Variants in DOCK6 observed in about 807,000 individuals in gnomAD.
DOCK6 encodes the protein dedicator of cytokinesis protein 6.
Under a neutral mutation model 230.3 loss-of-function variants are expected in DOCK6, and 167 were observed. That is an observed-to-expected ratio of 0.73 (90% confidence interval 0.64 to 0.82). DOCK6 has a LOEUF of 0.82. Ranked by LOEUF, DOCK6 falls within the 40% of genes least tolerant of loss-of-function variation. The pLI, the probability that DOCK6 is intolerant of heterozygous loss-of-function variation, is 0.00. For missense variants in DOCK6, 2,598 were observed against 2,825.8 expected, an observed-to-expected ratio of 0.92 and a Z score of 1.83; for synonymous variants, 1,148 against 1,185.0, an observed-to-expected ratio of 0.97 and a Z score of 0.64.
rs776711205 is a variant in DOCK6 at position 11,221,883 on chromosome 19, C to T, written c.3518G>A (p.Arg1173Gln). The change falls in exon 28 of 48, where the codon CGG (arginine) becomes CAG (glutamine). Residue 1173 changes from arginine (R) to glutamine (Q), a missense_variant. By Grantham distance (43) the Arg-to-Gln change is conservative. Coordinates refer to ENST00000294618, the MANE Select transcript of DOCK6 (RefSeq NM_020812.4). ...ELYLPLLSIARDTLPRLHDFA... is the reference protein window; with the variant it reads ...ELYLPLLSIAQDTLPRLHDFA... ...GTCATGCAGCCGTGGCAAGGTATCC[C>T]GTGCAATCGATAGCAGTGGCAGGTA... is the stretch of plus-strand genomic sequence containing the variant. The T allele has an allele frequency of 1.2e-5, 20 of 1,613,640 alleles. No homozygotes were observed. The highest frequency in any genetic ancestry group is 1.1e-4 in the East Asian group (5 of 44,900).
intron 14 of DOCK6, chr19:11,241,469 A>G (rs1244911541): frequency 4.5e-6 from 7 of 1,551,570 alleles, no homozygotes; most frequent in Non-Finnish European, 6.1e-6. Flanking sequence ...GCAGAGCCAC[A>G]TCCTATGGGC....
chr19:11,224,029 C>T (rs923802535), intron 24 of DOCK6, among the ~76,000 whole-genome samples: 4 of 151,996 alleles, frequency 2.6e-5, no homozygotes, highest in South Asian at 4.1e-4. Context: ...ATCCCTGCTG[C>T]GGGTCCAACT....
rs199878414 is a variant in DOCK6, at chr19:11,199,458, G to T, written c.*39C>A. ...CGCAGCACAGACAGCTGAGGCCCGG[G>T]TGCTGGTTCCTCTAGGTACAGCTTT... On this transcript the variant is annotated 3_prime_UTR_variant, in exon 48 of 48. Coordinates refer to ENST00000294618, the MANE Select transcript of DOCK6 (RefSeq NM_020812.4). 1.6e-4 allele frequency: 246 copies of T among 1,561,276 alleles called. No homozygotes were observed. The highest frequency in any genetic ancestry group is 2.0e-4 in the Non-Finnish European group (233 of 1,152,310).
Position 11,250,896 on chromosome 19 carries a change from G to A in DOCK6, c.698C>T (p.Thr233Ile), listed in dbSNP as rs777732719. ...RRQHRPPALL[T>I]LYPAPDEDEA... ...CACCTCGTCAGGTGCCGGGTAGAGGGTGAGCAGGGCCGGGGGCCGGTGCTG... is the reference window on the plus strand; with the variant it reads ...CACCTCGTCAGGTGCCGGGTAGAGGATGAGCAGGGCCGGGGGCCGGTGCTG... Residue 233 changes from threonine (T) to isoleucine (I), a missense_variant, in exon 6 of 48, where the codon ACC (threonine) becomes ATC (isoleucine). Thr to Ile is a moderately conservative substitution (Grantham distance 89). Transcript: ENST00000294618. 1.2e-6 allele frequency: 2 copies of A among 1,603,110 alleles called. No homozygotes were observed. Among genetic ancestry groups the A allele is most frequent in the African/African-American group, 1.3e-5 (1 of 74,872 alleles).
Position 11,262,414 on chromosome 19 carries a change from G to T in DOCK6, c.27C>A (p.Phe9Leu). ...CACACTACCTGTTGATCTTGTGCGC[G>T]AAGGCGCGGCGCTCGGAGGCAGCCA... The part of the protein sequence containing the change: MAASERRA[F>L]AHKINRTVAA... The change falls in exon 1 of 48, where the codon TTC becomes TTA. Residue 9 changes from phenylalanine to leucine, a missense_variant. Phe to Leu is a conservative substitution (Grantham distance 22). Coordinates refer to ENST00000294618, the MANE Select transcript of DOCK6 (RefSeq NM_020812.4). 7.9e-7 allele frequency: 1 copy of T among 1,272,798 alleles called. No individual in the cohort carries two copies. Among genetic ancestry groups the T allele is most frequent in the Non-Finnish European group, 9.9e-7 (1 of 1,008,828 alleles). 78.8% of individuals were successfully genotyped at this position (1,272,798 alleles called of 1,614,324 possible).
intron 14 of DOCK6, 186 bp downstream of exon 14, chr19:11,241,846 AAGGCAGAGGATGT>A: frequency 7.4e-7 from 1 of 1,352,188 alleles, no homozygotes; most frequent in South Asian, 1.3e-5. Context: ...GGCGGGGACA[AAGGCAGAGGATGT>A]AGCCCCATTG....
intron 21 of DOCK6, 142 bp from the exon 22 acceptor site, chr19:11,233,508 T>C: frequency 9.1e-7 from 1 of 1,101,984 alleles, no homozygotes; most frequent in Non-Finnish European, 1.3e-6. Context: ...GCATAATGGC[T>C]GCCGCCTCAC....
Position 11,202,524 on chromosome 19 carries a change from C to T in DOCK6, c.5362-41G>A, listed in dbSNP as rs773801699. On this transcript the variant is annotated intron_variant, in intron 42 of 47. Coordinates refer to ENST00000294618, the MANE Select transcript of DOCK6 (RefSeq NM_020812.4). This position sits in a 1 kb window ranked among gnomAD's most constrained non-coding sequence, Gnocchi z 5.3. ...TGACTCGGGGCCACCCAGGGACAGC[C>T]CCTACTCCAGCCCCAAGGCAGCCCC... 6.2e-6 allele frequency: 10 copies of T among 1,613,586 alleles called. No homozygotes were observed. The highest frequency in any genetic ancestry group is 1.6e-4 in the Middle Eastern group (1 of 6,082).
intron 7 of DOCK6, among the ~76,000 whole-genome samples, chr19:11,246,361 C>T (rs2080033935): frequency 6.6e-6 from 1 of 152,188 alleles, no homozygotes; most frequent in African/African-American, 2.4e-5. Context: ...CCGCCTCTGC[C>T]TCCCAAAGTG....
At chr19:11,252,454 C>T in intron 4 of DOCK6, 28 bp downstream of exon 4, 4 of 1,613,414 alleles carry the variant, frequency 2.5e-6, no homozygotes, top group Non-Finnish European at 3.4e-6. Flanking sequence ...GTTCCGAACC[C>T]CCTGAGCTGC....
intron 30 of DOCK6, 165 bp downstream of exon 30, chr19:11,216,749 T>G (rs968469129): frequency 1.4e-6 from 1 of 719,814 alleles, no homozygotes; most frequent in Non-Finnish European, 2.3e-6. Flanking sequence ...CTTCTGACTT[T>G]ATTCCTTGCC....
Position 11,243,836 on chromosome 19 carries a change from G to A in DOCK6, c.1070C>T (p.Pro357Leu). The A allele has an allele frequency of 6.2e-7, 1 of 1,613,048 alleles. No homozygotes were observed. Among genetic ancestry groups the A allele is most frequent in the Non-Finnish European group, 8.5e-7 (1 of 1,179,552 alleles). ...QQGDISECCEPYMVLKEVDTA... is the reference protein window; with the variant it reads ...QQGDISECCELYMVLKEVDTA... ...GTCCACTTCTTTCAACACCATGTAA[G>A]GCTCACAGCACTCACTGATGTCCCC... The change falls in exon 10 of 48, where the codon CCT becomes CTT. Residue 357 changes from proline to leucine, a missense_variant. Pro to Leu is a moderately conservative substitution (Grantham distance 98). Coordinates refer to ENST00000294618, the MANE Select transcript of DOCK6 (RefSeq NM_020812.4). The surrounding 1 kb of genome is among the most constrained non-coding windows in gnomAD (Gnocchi z 6.3).
intron 31 of DOCK6, 49 bp downstream of exon 31, chr19:11,215,752 G>A: frequency 2.5e-6 from 4 of 1,610,760 alleles, no homozygotes; most frequent in Non-Finnish European, 3.4e-6. Flanking sequence ...TTGACACAAG[G>A]TGGGAGCAGC....
In DOCK6 at chr19:11,236,426, G is replaced by A; in HGVS notation, c.2312C>T (p.Pro771Leu). The change falls in exon 20 of 48, where the codon CCC becomes CTC. Residue 771 changes from proline to leucine, a missense_variant. Coordinates refer to ENST00000294618, the MANE Select transcript of DOCK6 (RefSeq NM_020812.4). The surrounding 1 kb of genome is among the most constrained non-coding windows in gnomAD (Gnocchi z 5.2). ...LAALRLASPE[P>L]LVAFSHHVLD... is the part of the protein sequence containing the mutation. ...CACGTGGTGGGAGAAGGCCACAAGG[G>A]GTTCGGGGCTGGCCAGGCGCAGTGC... 6.3e-7 allele frequency: 1 copy of A among 1,589,726 alleles called. No individual in the cohort carries two copies. The highest frequency in any genetic ancestry group is 8.6e-7 in the Non-Finnish European group (1 of 1,168,684).
chr19:11,214,662 A>G lies in DOCK6; in HGVS notation c.4107-13T>C, dbSNP rs369430502. ...TTCATCCTTGGTCCTGGAAGGGGAAAGGAGGTCTTGGGGGCCCACTCGGGG... is the reference window on the plus strand; with the variant it reads ...TTCATCCTTGGTCCTGGAAGGGGAAGGGAGGTCTTGGGGGCCCACTCGGGG... On this transcript the variant is annotated splice_polypyrimidine_tract_variant and intron_variant, in intron 32 of 47. Transcript: ENST00000294618. 1 of 1,612,766 alleles carries G rather than the reference A, an allele frequency of 6.2e-7. No individual in the cohort carries two copies. Among genetic ancestry groups the G allele is most frequent in the Non-Finnish European group, 8.5e-7 (1 of 1,179,396 alleles).
At position 11,240,322 on chromosome 19, in the gene DOCK6, G is replaced by C. The variant is rs774731771; in HGVS notation, c.1643+1723C>G. ...GTAAGGAGCTCCCCCAACCCTAGTG[G>C]GCTGAGACCCTGATTTCCGGCCAGA... is the stretch of plus-strand genomic sequence containing the variant. On this transcript the variant is annotated intron_variant, in intron 14 of 47. Transcript: ENST00000294618. The C allele has an allele frequency of 3.3e-6, 5 of 1,517,974 alleles. No individual in the cohort carries two copies. The Admixed American group carries it at 1.2e-4, about 37-fold the overall frequency. 94.0% of individuals were successfully genotyped at this position (1,517,974 alleles called of 1,614,324 possible). A position where few individuals can be genotyped will look rare whatever the true frequency, so the allele number is the denominator to read the frequency against.
At chr19:11,238,445 G>A (rs1368442452) in intron 14 of DOCK6, 141 bp from the exon 15 acceptor site, 18 of 704,482 alleles carry the variant, frequency 2.6e-5, no homozygotes, top group Admixed American at 6.7e-5. Context: ...TTGAGGGCCC[G>A]GTGAGAGGTA....
intron 5 of DOCK6, 50 bp downstream of exon 5, chr19:11,252,069 G>A (rs368406746): frequency 1.1e-5 from 17 of 1,565,676 alleles, no homozygotes; most frequent in African/African-American, 5.4e-5. Flanking sequence ...AGCTGAGGCC[G>A]GAGCCTCCAC....
intron 13 of DOCK6, among the ~76,000 whole-genome samples, chr19:11,242,693 C>G (rs1333179185): frequency 6.6e-6 from 1 of 151,838 alleles, no homozygotes; most frequent in Non-Finnish European, 1.5e-5. Flanking sequence ...CACCTGGCCC[C>G]CAGGCTGGTC....
Sources: allele counts gnomAD v4.1 joint callset (sites outside exome capture counted in the v4.1 genomes callset), GRCh38; gene constraint gnomAD v4.1.1; non-coding constraint Gnocchi (gnomAD v3.1); transcripts MANE v1.5; gene names NCBI Gene and HGNC (gene_info 2026-07-23, HGNC 2026-07-21).